The following STOX2 variants were observed in gnomAD, a reference collection of about 807,000 sequenced individuals.
STOX2 encodes the protein storkhead-box protein 2.
A neutral mutation model predicts 60.9 loss-of-function variants in STOX2; 28 were observed. The observed-to-expected ratio is 0.46, with a 90% CI of 0.34 to 0.63. The LOEUF (loss-of-function observed/expected upper bound fraction) is 0.63, where lower values mean the gene tolerates loss of function less well. Among genes scored for constraint, STOX2 ranks in the 30% least tolerant of loss-of-function variants. STOX2 has a pLI of 0.01. For missense variants in STOX2, 1,024 were observed against 1,187.7 expected (o/e 0.86, Z 2.03); for synonymous variants, 472 against 463.9 (o/e 1.02, Z -0.22).
chr4:183,879,795 A>T (rs1361803190), intron 1 of STOX2, among the ~76,000 whole-genome samples: 1 of 151,780 alleles, frequency 6.6e-6, no homozygotes, highest in African/African-American at 2.4e-5. Context: ...TGGGAGCAGG[A>T]TGCTAAATAC....
intron 1 of STOX2, among the ~76,000 whole-genome samples, chr4:183,934,237 A>C (rs773489205): frequency 6.6e-6 from 1 of 152,130 alleles, no homozygotes; most frequent in African/African-American, 2.4e-5. Context: ...CAGGAGGCGG[A>C]GGTTGTAGTG....
At chr4:183,817,435 T>C (rs1414665042) in intron 1 of STOX2, among the ~76,000 whole-genome samples, 1 of 152,180 alleles carries the variant, frequency 6.6e-6, no homozygotes, top group Non-Finnish European at 1.5e-5. Flanking sequence ...AAAGACATAG[T>C]AGCCCTATTT....
rs115800700 is a variant in STOX2 at position 183,930,547 on chromosome 4, G to A, written c.166+23591G>A. 7.9e-3 allele frequency among the ~76,000 whole-genome samples: 1,175 copies of A among 149,146 alleles called. 19 individuals carry two copies. The highest frequency in any genetic ancestry group is 0.028 in the African/African-American group (1,124 of 40,482). On this transcript the variant is annotated intron_variant, in intron 1 of 3. Transcript: ENST00000308497. ...TTTTTTTTGTATTTTTCCTAGAGAC[G>A]GAGTCTCATTATATTGCCCAGGCTA...
At chr4:183,807,421 G>A (rs1418651299) in intron 1 of STOX2, among the ~76,000 whole-genome samples, 1 of 152,180 alleles carries the variant, frequency 6.6e-6, no homozygotes, top group East Asian at 1.9e-4. Flanking sequence ...TCCACTCTTG[G>A]GACAGTCCTG....
chr4:183,965,474 G>A (rs1160270917), intron 1 of STOX2, among the ~76,000 whole-genome samples: 2 of 152,076 alleles, frequency 1.3e-5, no homozygotes, highest in Non-Finnish European at 2.9e-5. Flanking sequence ...CTTTCCTGAA[G>A]GGATAAGATA....
chr4:183,937,534 G>A (rs1038374409), intron 1 of STOX2, among the ~76,000 whole-genome samples: 7 of 152,150 alleles, frequency 4.6e-5, no homozygotes, highest in African/African-American at 1.7e-4. Flanking sequence ...AGGTCCACAA[G>A]GACATATATT....
At chr4:183,964,804 A>G (rs1437468450) in intron 1 of STOX2, among the ~76,000 whole-genome samples, 2 of 152,072 alleles carry the variant, frequency 1.3e-5, no homozygotes, top group Non-Finnish European at 2.9e-5. Context: ...GGCTGGTCTC[A>G]AACTCCCGAC....
chr4:183,894,239 C>T (rs28739422), intron 1 of STOX2, among the ~76,000 whole-genome samples: 6,166 of 152,254 alleles, frequency 0.04, 406 homozygotes, highest in African/African-American at 0.14. Flanking sequence ...CTGCGAACTA[C>T]AGTTATATTA....
At chr4:183,899,178 G>A (rs548228809) in intron 1 of STOX2, among the ~76,000 whole-genome samples, 6 of 152,254 alleles carry the variant, frequency 3.9e-5, no homozygotes, top group East Asian at 3.9e-4. Context: ...TGTTGTGTGC[G>A]ATCTGACTGT....
At chr4:183,860,080 A>G (rs150739966) in intron 1 of STOX2, among the ~76,000 whole-genome samples, 1,453 of 141,120 alleles carry the variant, frequency 0.01, 29 homozygotes, top group African/African-American at 0.034. Flanking sequence ...TCCCTTTAAA[A>G]TCATATTCTT....
intron 1 of STOX2, among the ~76,000 whole-genome samples, chr4:183,975,840 G>C (rs926727149): frequency 6.6e-6 from 1 of 152,132 alleles, no homozygotes; most frequent in Non-Finnish European, 1.5e-5. Flanking sequence ...CATTATCCTG[G>C]TTACCAAACC....
In STOX2 at chr4:183,825,207, C is replaced by T. The variant is rs1231743432; in HGVS notation, c.364+27152C>T. On this transcript the variant is annotated intron_variant, in intron 1 of 2. Transcript: ENST00000513034. The surrounding 1 kb of genome is among the most constrained non-coding windows in gnomAD (Gnocchi z 4.1). ...GGTCTCAGGTCCACCATGAGGACGGCTGGGACATTCTTCCAGCTTATTTTG... is the reference window on the plus strand; with the variant it reads ...GGTCTCAGGTCCACCATGAGGACGGTTGGGACATTCTTCCAGCTTATTTTG... Among the ~76,000 whole-genome samples the T allele has an allele frequency of 6.6e-6, 1 of 152,154 alleles. No homozygotes were observed. The highest frequency in any genetic ancestry group is 1.5e-5 in the Non-Finnish European group (1 of 68,030).
Position 183,821,901 on chromosome 4 carries a change from G to A in STOX2, c.364+23846G>A, listed in dbSNP as rs1739311716. On this transcript the variant is annotated intron_variant, in intron 1 of 2. Transcript: ENST00000513034. This position sits in a 1 kb window ranked among gnomAD's most constrained non-coding sequence, Gnocchi z 4.2. ...AGCTTAGGATCTAACAGAAATGGAT[G>A]GGGCTTTAGAAGTCTATGTCCCCCA... Among the ~76,000 whole-genome samples the A allele has an allele frequency of 6.6e-6, 1 of 152,238 alleles. No homozygotes were observed. Among genetic ancestry groups the A allele is most frequent in the South Asian group, 2.1e-4 (1 of 4,830 alleles).
chr4:183,947,234 T>A (rs1742921596), intron 1 of STOX2, among the ~76,000 whole-genome samples: 1 of 152,216 alleles, frequency 6.6e-6, no homozygotes, highest in Admixed American at 6.5e-5. Flanking sequence ...CTGTGAGTAG[T>A]CATTATACTG....
At chr4:183,807,942 C>T (rs1214785753) in intron 1 of STOX2, among the ~76,000 whole-genome samples, 4 of 152,348 alleles carry the variant, frequency 2.6e-5, no homozygotes, top group East Asian at 1.9e-4. Flanking sequence ...ACCCAACAGG[C>T]CTGCGGGGCG....
In STOX2 at chr4:183,806,402, C is replaced by T. The variant is rs1017885719; in HGVS notation, c.364+8347C>T. ...CAAAATCACCTCCTTCTCATGAATC[C>T]GGGAGTCCCTGGAGCTCACGGAGGG... On this transcript the variant is annotated intron_variant, in intron 1 of 2. Transcript: ENST00000513034. The surrounding 1 kb of genome is among the most constrained non-coding windows in gnomAD (Gnocchi z 4.1). Among the ~76,000 whole-genome samples, 6 of 152,084 alleles carry T rather than the reference C, an allele frequency of 3.9e-5. No individual in the cohort carries two copies. Among genetic ancestry groups the T allele is most frequent in the East Asian group, 1.9e-4 (1 of 5,182 alleles).
intron 1 of STOX2, among the ~76,000 whole-genome samples, chr4:183,893,535 G>T (rs943191903): frequency 7.9e-5 from 12 of 152,154 alleles, no homozygotes; most frequent in African/African-American, 2.9e-4. Context: ...AACAGATCTT[G>T]AGTCTTCACC....
intron 1 of STOX2, among the ~76,000 whole-genome samples, chr4:183,949,934 C>T (rs1263049043): frequency 6.6e-6 from 1 of 152,168 alleles, no homozygotes; most frequent in African/African-American, 2.4e-5. Flanking sequence ...ACCTCTTCCC[C>T]ACTTTTCTCA....
At chr4:183,884,133 C>T (rs1280312492) in intron 1 of STOX2, among the ~76,000 whole-genome samples, 1 of 152,064 alleles carries the variant, frequency 6.6e-6, no homozygotes, top group African/African-American at 2.4e-5. Flanking sequence ...GGATTACAGG[C>T]GCGAGCCACT....
Sources: allele counts gnomAD v4.1 joint callset (sites outside exome capture counted in the v4.1 genomes callset), GRCh38; gene constraint gnomAD v4.1.1; non-coding constraint Gnocchi (gnomAD v3.1); transcripts MANE v1.5; gene names NCBI Gene and HGNC (gene_info 2026-07-23, HGNC 2026-07-21).